Variants in BABAM2 observed in about 807,000 individuals in gnomAD.
BABAM2 encodes the protein BRISC and BRCA1 A complex member 2, also known as BRISC and BRCA1-A complex member 2.
BABAM2 carries 31 observed loss-of-function variants against 54.7 expected under a neutral mutation model. The ratio of observed to expected loss-of-function variants is 0.57; its 90% CI spans 0.43 to 0.77. BABAM2 has a LOEUF of 0.77. BABAM2 is among the 30% of genes least tolerant of loss of function. The pLI is 0.00. For synonymous variants in BABAM2, 167 were observed against 162.9 expected (o/e 1.03, Z -0.19); for missense variants, 364 against 455.8 (o/e 0.80, Z 1.83).
At chr2:28,289,544 C>T (rs1333199104) in intron 10 of BABAM2, among the ~76,000 whole-genome samples, 2 of 152,120 alleles carry the variant, frequency 1.3e-5, no homozygotes, top group Admixed American at 6.5e-5. Context: ...AATCCCAACA[C>T]TTGGGAGGCC....
chr2:27,977,109 A>G (rs186189928), intron 3 of BABAM2, among the ~76,000 whole-genome samples: 81 of 152,334 alleles, frequency 5.3e-4, no homozygotes, highest in African/African-American at 1.9e-3. Flanking sequence ...GTGCAATGGA[A>G]TAATTAGTGG....
intron 10 of BABAM2, among the ~76,000 whole-genome samples, chr2:28,278,032 G>T (rs1686027142): frequency 1.3e-5 from 2 of 152,184 alleles, no homozygotes; most frequent in Admixed American, 6.5e-5. Context: ...AGAGAACAGT[G>T]TATTCGTGGG....
chr2:28,274,358 A>G (rs985075590), intron 10 of BABAM2, among the ~76,000 whole-genome samples: 3 of 152,168 alleles, frequency 2.0e-5, no homozygotes, highest in Admixed American at 6.5e-5. Flanking sequence ...TGGTTCCTTA[A>G]TTGTCATATG....
intron 6 of BABAM2, among the ~76,000 whole-genome samples, chr2:28,051,525 T>G (rs1420734673): frequency 6.6e-6 from 1 of 152,130 alleles, no homozygotes; most frequent in Non-Finnish European, 1.5e-5. Context: ...GAAACCAAAG[T>G]GAACCTTTTG....
At chr2:27,920,718 T>C (rs1419549979) in intron 2 of BABAM2, among the ~76,000 whole-genome samples, 1 of 152,118 alleles carries the variant, frequency 6.6e-6, no homozygotes, top group Non-Finnish European at 1.5e-5. Flanking sequence ...AAATGGTAAA[T>C]TAATAGTCAG....
chr2:28,333,526 G>C (rs1372433650), intron 11 of BABAM2, among the ~76,000 whole-genome samples: 1 of 152,186 alleles, frequency 6.6e-6, no homozygotes, highest in African/African-American at 2.4e-5. Context: ...CCCTGCTTCT[G>C]CTCTGAATTC....
intron 7 of BABAM2, among the ~76,000 whole-genome samples, chr2:28,227,660 A>G (rs1340514392): frequency 6.6e-6 from 1 of 152,160 alleles, no homozygotes; most frequent in Non-Finnish European, 1.5e-5. Context: ...CCTTTCAAGT[A>G]GTCAGTGATC....
intron 7 of BABAM2, among the ~76,000 whole-genome samples, chr2:28,163,028 C>A (rs192869570): frequency 1.3e-5 from 2 of 152,190 alleles, no homozygotes; most frequent in African/African-American, 4.8e-5. Flanking sequence ...TGTAGAAAAT[C>A]AAAACTAGTA....
intron 3 of BABAM2, among the ~76,000 whole-genome samples, chr2:27,955,946 T>C (rs1167027422): frequency 6.6e-6 from 1 of 151,828 alleles, no homozygotes; most frequent in Non-Finnish European, 1.5e-5. Context: ...ATTTTCCTCC[T>C]TTCTTATGAC....
chr2:28,124,833 A>T (rs1188282442), intron 6 of BABAM2, among the ~76,000 whole-genome samples: 2 of 152,232 alleles, frequency 1.3e-5, no homozygotes, highest in Non-Finnish European at 1.5e-5. Context: ...AAATAAAATT[A>T]TAACAATATA....
intron 11 of BABAM2, among the ~76,000 whole-genome samples, chr2:28,323,887 G>C (rs1690233182): frequency 6.6e-6 from 1 of 152,192 alleles, no homozygotes; most frequent in Admixed American, 6.5e-5. Flanking sequence ...CAGACACTCA[G>C]AGTAGCCTGC....
intron 7 of BABAM2, among the ~76,000 whole-genome samples, chr2:28,162,641 T>C (rs1279605123): frequency 6.6e-6 from 1 of 152,224 alleles, no homozygotes; most frequent in Non-Finnish European, 1.5e-5. Context: ...ACCAGCCAGG[T>C]AATGCTCTTC....
chr2:28,158,559 A>G (rs570415930), intron 7 of BABAM2, among the ~76,000 whole-genome samples: 77 of 152,308 alleles, frequency 5.1e-4, no homozygotes, highest in African/African-American at 1.8e-3. Flanking sequence ...GCTCCTTGGA[A>G]TGTTCATCTG....
intron 2 of BABAM2, among the ~76,000 whole-genome samples, chr2:27,898,953 T>C (rs777006283): frequency 6.6e-6 from 1 of 151,238 alleles, no homozygotes; most frequent in Non-Finnish European, 1.5e-5. Flanking sequence ...AGTAAAGCTG[T>C]CATTAAAAAA....
intron 6 of BABAM2, among the ~76,000 whole-genome samples, chr2:28,125,379 C>T (rs947175954): frequency 2.0e-5 from 3 of 151,968 alleles, no homozygotes; most frequent in Non-Finnish European, 4.4e-5. Flanking sequence ...CTGCAATCTC[C>T]GCCTCCCGGG....
At chr2:28,088,851 T>C (rs931420636) in intron 6 of BABAM2, among the ~76,000 whole-genome samples, 10 of 152,136 alleles carry the variant, frequency 6.6e-5, no homozygotes, top group African/African-American at 1.2e-4. Flanking sequence ...TCGATACATA[T>C]CTTGTGGGGA....
intron 3 of BABAM2, among the ~76,000 whole-genome samples, chr2:27,933,940 G>A (rs1668302271): frequency 1.3e-5 from 2 of 151,656 alleles, no homozygotes; most frequent in South Asian, 4.2e-4. Flanking sequence ...CAATATCCAT[G>A]GGGGATTGGT....
chr2:28,338,645 C>T lies in BABAM2; in HGVS notation c.*132C>T, dbSNP rs1278826607. On this transcript the variant is annotated 3_prime_UTR_variant, in exon 12 of 12. Coordinates refer to ENST00000379624, the MANE Select transcript of BABAM2 (RefSeq NM_199191.3). Reference sequence around the variant, plus strand: ...TTGCTCACACAGCAGCTTTTGCACGCCCCAGGCAGCCCCGACTGCTGAAAT... The same window carrying T: ...TTGCTCACACAGCAGCTTTTGCACGTCCCAGGCAGCCCCGACTGCTGAAAT... 7.9e-6 allele frequency: 8 copies of T among 1,015,200 alleles called. No individual in the cohort carries two copies. The highest frequency in any genetic ancestry group is 1.6e-5 in the African/African-American group (1 of 63,048). 62.9% of individuals were successfully genotyped at this position (1,015,200 alleles called of 1,614,324 possible). A position where few individuals can be genotyped will look rare whatever the true frequency, so the allele number is the denominator to read the frequency against.
At chr2:28,080,632 T>C (rs1665079949) in intron 6 of BABAM2, among the ~76,000 whole-genome samples, 1 of 152,232 alleles carries the variant, frequency 6.6e-6, no homozygotes, top group Non-Finnish European at 1.5e-5. Flanking sequence ...AATCTGTGCC[T>C]GTGTTCTGTA....
Sources: allele counts gnomAD v4.1 joint callset (sites outside exome capture counted in the v4.1 genomes callset), GRCh38; gene constraint gnomAD v4.1.1; transcripts MANE v1.5; gene names NCBI Gene and HGNC (gene_info 2026-07-23, HGNC 2026-07-21).